Variants in EPHB3 observed in about 807,000 individuals in gnomAD.
EPHB3 encodes the protein ephrin type-B receptor 3.
A neutral mutation model predicts 100.2 loss-of-function variants in EPHB3; 33 were observed. The ratio of observed to expected loss-of-function variants is 0.33; its 90% CI spans 0.25 to 0.44. The LOEUF (loss-of-function observed/expected upper bound fraction) is 0.44, where lower values mean the gene tolerates loss of function less well. Among genes scored for constraint, EPHB3 ranks in the 20% least tolerant of loss-of-function variants. The probability of loss-of-function intolerance (pLI) is 1.00; values close to 1 mark genes in which losing one functional copy is unlikely to be tolerated. For missense variants in EPHB3, 1,045 were observed against 1,378.3 expected, an observed-to-expected ratio of 0.76 and a Z score of 3.83; for synonymous variants, 526 against 554.7, an observed-to-expected ratio of 0.95 and a Z score of 0.73.
In EPHB3 at chr3:184,565,920, A is replaced by G. The variant is rs554718700; in HGVS notation, c.118+3567A>G. On this transcript the variant is annotated intron_variant, in intron 1 of 15. Coordinates refer to ENST00000330394, the MANE Select transcript of EPHB3 (RefSeq NM_004443.4). This position sits in a 1 kb window ranked among gnomAD's most constrained non-coding sequence, Gnocchi z 4.8. ...CAAGGCCTCTGCCGCACGGCCTTCC[A>G]CTAATTAAACAGCATGAAGAGGCTG... Among the ~76,000 whole-genome samples, 8 of 152,216 alleles carry G rather than the reference A, an allele frequency of 5.3e-5. No homozygotes were observed. The highest frequency in any genetic ancestry group is 2.1e-4 in the South Asian group (1 of 4,828).
intron 1 of EPHB3, among the ~76,000 whole-genome samples, chr3:184,570,128 G>A (rs544308065): frequency 1.3e-3 from 198 of 152,254 alleles, no homozygotes; most frequent in African/African-American, 4.5e-3. Context: ...AACACAGGCC[G>A]GGTACTGTGA....
rs936567382 is a variant in EPHB3 at position 184,573,961 on chromosome 3, C to A, written c.856+785C>A. On this transcript the variant is annotated intron_variant, in intron 3 of 15. Coordinates refer to ENST00000330394, the MANE Select transcript of EPHB3 (RefSeq NM_004443.4). This position sits in a 1 kb window ranked among gnomAD's most constrained non-coding sequence, Gnocchi z 4.5. ...AACTCCTGACCTCAAGTGATCCACCCGCCTCGGCCTCCCAAAGCGTTGGGA... is the reference window on the plus strand; with the variant it reads ...AACTCCTGACCTCAAGTGATCCACCAGCCTCGGCCTCCCAAAGCGTTGGGA... Among the ~76,000 whole-genome samples, 1 of 152,076 alleles carries A rather than the reference C, an allele frequency of 6.6e-6. No homozygotes were observed. Among genetic ancestry groups the A allele is most frequent in the African/African-American group, 2.4e-5 (1 of 41,404 alleles).
At position 184,577,467 on chromosome 3, in the gene EPHB3, G is replaced by T; in HGVS notation, c.1479G>T (p.Lys493Asn). The change falls in exon 6 of 16, where the codon AAG (lysine) becomes AAT (asparagine). Residue 493 changes from lysine (K) to asparagine (N), a missense_variant and splice_region_variant. Physicochemically the swap from Lys to Asn is moderately conservative, Grantham distance 94. Transcript: ENST00000330394. This position sits in a 1 kb window ranked among gnomAD's most constrained non-coding sequence, Gnocchi z 4.9. Reference sequence around the variant, plus strand: ...ACTACGAGATGAAGTACTTTGAGAAGGTCAGAACCTCAAGGGGCAGGAGGA... The same window carrying T: ...ACTACGAGATGAAGTACTTTGAGAATGTCAGAACCTCAAGGGGCAGGAGGA... ...ILDYEMKYFE[K>N]SEGIASTVTS... The T allele has an allele frequency of 1.2e-6, 2 of 1,613,934 alleles. No individual in the cohort carries two copies. The highest frequency in any genetic ancestry group is 8.5e-7 in the Non-Finnish European group (1 of 1,179,966).
chr3:184,580,109 T>C (rs1045617574), intron 11 of EPHB3, among the ~76,000 whole-genome samples, 175 bp downstream of exon 11: 1 of 152,222 alleles, frequency 6.6e-6, no homozygotes. Context: ...ACATCTTGAC[T>C]GTTCCTTACT....
rs1467915015 is a variant in EPHB3, at chr3:184,579,683, G to A, written c.1925-4G>A. The A allele has an allele frequency of 1.2e-6, 2 of 1,611,070 alleles. No homozygotes were observed. The highest frequency in any genetic ancestry group is 1.7e-6 in the Non-Finnish European group (2 of 1,177,970). On this transcript the variant is annotated splice_region_variant and splice_polypyrimidine_tract_variant and intron_variant, in intron 10 of 15. Coordinates refer to ENST00000330394, the MANE Select transcript of EPHB3 (RefSeq NM_004443.4). The surrounding 1 kb of genome is among the most constrained non-coding windows in gnomAD (Gnocchi z 5.2). ...AGTCATAGCTTGTGCCCTGTGCCCT[G>A]CAGGGGAATTTGGGGAAGTGTGCCG...
At chr3:184,580,650 C>T (rs558776023) in intron 12 of EPHB3, 33 bp downstream of exon 12, 11 of 1,609,446 alleles carry the variant, frequency 6.8e-6, no homozygotes, top group African/African-American at 2.7e-5. Flanking sequence ...AGACTGGGGG[C>T]GGGGCCTATC....
At position 184,571,294 on chromosome 3, in the gene EPHB3, C is replaced by T. The variant is rs756392003; in HGVS notation, c.119-24C>T. Reference sequence around the variant, plus strand: ...TCCTCAACCTGAGATTAGTCCCTGACCTTTTTCTCCGTTGTTCCTCCAGAG... The same window carrying T: ...TCCTCAACCTGAGATTAGTCCCTGATCTTTTTCTCCGTTGTTCCTCCAGAG... On this transcript the variant is annotated intron_variant, in intron 1 of 15. Transcript: ENST00000330394. The surrounding 1 kb of genome is among the most constrained non-coding windows in gnomAD (Gnocchi z 5.0). The T allele has an allele frequency of 1.9e-6, 3 of 1,613,514 alleles. No homozygotes were observed. Among genetic ancestry groups the T allele is most frequent in the Non-Finnish European group, 1.7e-6 (2 of 1,179,518 alleles).
At position 184,563,270 on chromosome 3, in the gene EPHB3, GC is replaced by G. The variant is rs953307622; in HGVS notation, c.118+921del. Among the ~76,000 whole-genome samples the G allele has an allele frequency of 7.2e-5, 11 of 152,054 alleles. No homozygotes were observed. The highest frequency in any genetic ancestry group is 1.3e-4 in the Non-Finnish European group (9 of 68,014). On this transcript the variant is annotated intron_variant, in intron 1 of 15. Transcript: ENST00000330394. This position sits in a 1 kb window ranked among gnomAD's most constrained non-coding sequence, Gnocchi z 4.1. ...AATAGGGAGGCCCACACACACTCAC[GC>G]CCCGTTTCCAAGAATTTCGGAGCCA... is the stretch of plus-strand genomic sequence containing the variant.
Position 184,579,340 on chromosome 3 carries a change from A to C in EPHB3, c.1802-137A>C. 7.5e-7 allele frequency: 1 copy of C among 1,331,954 alleles called. No individual in the cohort carries two copies. Among genetic ancestry groups the C allele is most frequent in the South Asian group, 1.5e-5 (1 of 65,060 alleles). The allele number at this position is 1,331,954 out of a possible 1,614,324, so 82.5% of individuals were successfully genotyped here. A position where few individuals can be genotyped will look rare whatever the true frequency, so the allele number is the denominator to read the frequency against. On this transcript the variant is annotated intron_variant, in intron 9 of 15. Transcript: ENST00000330394. The surrounding 1 kb of genome is among the most constrained non-coding windows in gnomAD (Gnocchi z 5.2). The stretch of plus-strand genomic sequence containing the variant: ...GCCTTTATGGTCACCAGGAGTTCTC[A>C]TGGGAGCTGGAGGATTAGGGCAGCA...
chr3:184,572,390 C>A lies in EPHB3; in HGVS notation c.184-114C>A. ...GAGCCCATATAGCCTGTATGCTCAG[C>A]CACTGCACACCATAGAAGCATCCCT... On this transcript the variant is annotated intron_variant, in intron 2 of 15. Coordinates refer to ENST00000330394, the MANE Select transcript of EPHB3 (RefSeq NM_004443.4). The surrounding 1 kb of genome is among the most constrained non-coding windows in gnomAD (Gnocchi z 6.6). 8.3e-7 allele frequency: 1 copy of A among 1,210,234 alleles called. No individual in the cohort carries two copies. The highest frequency in any genetic ancestry group is 1.1e-6 in the Non-Finnish European group (1 of 917,428). 75.0% of individuals were successfully genotyped at this position (1,210,234 alleles called of 1,614,324 possible).
In EPHB3 at chr3:184,573,994, T is replaced by C. The variant is rs9290793; in HGVS notation, c.856+818T>C. Among the ~76,000 whole-genome samples, 19,492 of 152,210 alleles carry C rather than the reference T, an allele frequency of 0.13. 1,324 individuals carry two copies. The highest frequency in any genetic ancestry group is 0.19 in the Middle Eastern group (55 of 294). On this transcript the variant is annotated intron_variant, in intron 3 of 15. Transcript: ENST00000330394. The surrounding 1 kb of genome is among the most constrained non-coding windows in gnomAD (Gnocchi z 4.5). ...CCTCCCAAAGCGTTGGGATTACAGG[T>C]GTAAGCCACCACTCCTGGCCCTGGG...
rs1714568853 is a variant in EPHB3, at chr3:184,572,632, G to A, written c.312G>A (p.Arg104=). 6.4e-7 allele frequency: 1 copy of A among 1,561,982 alleles called. No homozygotes were observed. The highest frequency in any genetic ancestry group is 1.2e-5 in the South Asian group (1 of 81,622). Residue 104 remains arginine, a synonymous_variant, in exon 3 of 16, where the codon CGG becomes CGA. Transcript: ENST00000330394. This position sits in a 1 kb window ranked among gnomAD's most constrained non-coding sequence, Gnocchi z 6.6. The part of the protein sequence containing the change: ...TGFIWRRDVQ[R]VYVELKFTVR... ...TCATCTGGCGGCGGGATGTGCAGCG[G>A]GTCTACGTGGAGCTCAAGTTCACTG...
At position 184,582,265 on chromosome 3, in the gene EPHB3, T is replaced by TGC. The variant is rs1714844098; in HGVS notation, c.*644_*645insCG. 7.9e-6 allele frequency: 1 copy of TGC among 127,038 alleles called. No individual in the cohort carries two copies. Among genetic ancestry groups the TGC allele is most frequent in the Non-Finnish European group, 1.6e-5 (1 of 61,784 alleles). 7.9% of individuals were successfully genotyped at this position (127,038 alleles called of 1,614,324 possible). ...GATGGGATGTGTGAGTGTGTGTGTG[T>TGC]GTGTGTGTGTGTGCGCGCGCGCGCG... On this transcript the variant is annotated 3_prime_UTR_variant, in exon 16 of 16. Coordinates refer to ENST00000330394, the MANE Select transcript of EPHB3 (RefSeq NM_004443.4).
In EPHB3 at chr3:184,575,916, G is replaced by T. The variant is rs141695759; in HGVS notation, c.943G>T (p.Ala315Ser). 45 of 1,613,676 alleles carry T rather than the reference G, an allele frequency of 2.8e-5. No individual in the cohort carries two copies. The highest frequency in any genetic ancestry group is 3.6e-5 in the Non-Finnish European group (42 of 1,179,854). The change falls in exon 4 of 16, where the codon GCC becomes TCC. Residue 315 changes from alanine (A) to serine (S), a missense_variant. Physicochemically the swap from Ala to Ser is moderately conservative, Grantham distance 99. Coordinates refer to ENST00000330394, the MANE Select transcript of EPHB3 (RefSeq NM_004443.4). ...PPNSRTTSPA[A>S]SICTCHNNFY... ...CAACAGCCGTACCACCTCCCCAGCC[G>T]CCAGCATCTGCACCTGCCACAATAA...
chr3:184,580,038 T>C, intron 11 of EPHB3, 104 bp downstream of exon 11: 1 of 1,506,624 alleles, frequency 6.6e-7, no homozygotes, highest in South Asian at 1.3e-5. Context: ...CATAAGCATT[T>C]ACTGAGGTGG....
At position 184,580,883 on chromosome 3, in the gene EPHB3, G is replaced by A; in HGVS notation, c.2538+5G>A. On this transcript the variant is annotated splice_donor_5th_base_variant and intron_variant, in intron 13 of 15. Transcript: ENST00000330394. Reference sequence around the variant, plus strand: ...TGGGACATGAGCAACCAGGATGTGAGTGAGGCTACGCCAGAGTGGTTGGGT... The same window carrying A: ...TGGGACATGAGCAACCAGGATGTGAATGAGGCTACGCCAGAGTGGTTGGGT... 6.2e-7 allele frequency: 1 copy of A among 1,613,314 alleles called. No individual in the cohort carries two copies. Among genetic ancestry groups the A allele is most frequent in the Non-Finnish European group, 8.5e-7 (1 of 1,179,356 alleles).
In EPHB3 at chr3:184,578,174, T is replaced by A; in HGVS notation, c.1748+168T>A. On this transcript the variant is annotated intron_variant, in intron 8 of 15. Coordinates refer to ENST00000330394, the MANE Select transcript of EPHB3 (RefSeq NM_004443.4). This position sits in a 1 kb window ranked among gnomAD's most constrained non-coding sequence, Gnocchi z 4.7. ...AAGCCCTCTCCCATCCCTGCCTGTG[T>A]CTTCATCCCGCCCTTTCTCCATACC... 3 of 881,852 alleles carry A rather than the reference T, an allele frequency of 3.4e-6. No homozygotes were observed. The highest frequency in any genetic ancestry group is 5.1e-6 in the Non-Finnish European group (3 of 589,344). 54.6% of individuals were successfully genotyped at this position (881,852 alleles called of 1,614,324 possible).
At chr3:184,564,014 T>C (rs1714321880) in intron 1 of EPHB3, among the ~76,000 whole-genome samples, 1 of 152,108 alleles carries the variant, frequency 6.6e-6, no homozygotes, top group African/African-American at 2.4e-5. Flanking sequence ...CTTCCCTTCC[T>C]TTCTGTCTTT....
rs773631664 is a variant in EPHB3, at chr3:184,573,892, T to G, written c.856+716T>G. The stretch of plus-strand genomic sequence containing the variant: ...GCCACCACACCCAGCTAATTTTGTA[T>G]TTTTAGTAGACCGGGTTTCACCATG... On this transcript the variant is annotated intron_variant, in intron 3 of 15. Transcript: ENST00000330394. This position sits in a 1 kb window ranked among gnomAD's most constrained non-coding sequence, Gnocchi z 4.5. Among the ~76,000 whole-genome samples, 3 of 152,080 alleles carry G rather than the reference T, an allele frequency of 2.0e-5. No individual in the cohort carries two copies. Among genetic ancestry groups the G allele is most frequent in the Non-Finnish European group, 4.4e-5 (3 of 68,008 alleles).
Sources: allele counts gnomAD v4.1 joint callset (sites outside exome capture counted in the v4.1 genomes callset), GRCh38; gene constraint gnomAD v4.1.1; non-coding constraint Gnocchi (gnomAD v3.1); transcripts MANE v1.5; gene names NCBI Gene and HGNC (gene_info 2026-07-23, HGNC 2026-07-21).